Variants in SIPA1L1 observed in about 807,000 individuals in gnomAD.
SIPA1L1 encodes the protein signal-induced proliferation-associated 1-like protein 1.
In SIPA1L1, 26 loss-of-function variants were observed where a neutral mutation model predicts 162.7. The observed-to-expected ratio is 0.16, with a 90% CI of 0.12 to 0.22. The LOEUF (loss-of-function observed/expected upper bound fraction) is 0.22, where lower values mean the gene tolerates loss of function less well. Ranked by LOEUF, SIPA1L1 falls within the 10% of genes least tolerant of loss-of-function variation. The pLI, the probability that SIPA1L1 is intolerant of heterozygous loss-of-function variation, is 1.00. For synonymous variants in SIPA1L1, 829 were observed against 837.4 expected (o/e 0.99, Z 0.17); for missense variants, 1,874 against 2,241.0 (o/e 0.84, Z 3.31).
At chr14:71,349,209 A>T (rs1219618462) in intron 2 of SIPA1L1, among the ~76,000 whole-genome samples, 1 of 152,204 alleles carries the variant, frequency 6.6e-6, no homozygotes, top group Non-Finnish European at 1.5e-5. Flanking sequence ...AAAGGGAATG[A>T]TCTAATGGTA....
rs771735806 is a variant in SIPA1L1 at position 71,724,701 on chromosome 14, C to CACA, written c.4481_4483dup (p.His1494_Thr1495insAsn). The CACA allele has an allele frequency of 1.2e-6, 2 of 1,614,042 alleles. No homozygotes were observed. The highest frequency in any genetic ancestry group is 1.7e-6 in the Non-Finnish European group (2 of 1,180,002). ...TCAGAGCGATGGCAATGAAATAGCCCACACCAGGCTGCGTGCCTCAACCAG... is the reference window on the plus strand; with the variant it reads ...TCAGAGCGATGGCAATGAAATAGCCCACAACACCAGGCTGCGTGCCTCAACCAG... On this transcript the variant is annotated inframe_insertion, in exon 19 of 24. Transcript: ENST00000381232.
intron 17 of SIPA1L1, among the ~76,000 whole-genome samples, chr14:71,715,987 TCTA>T (rs2083241984): frequency 6.6e-6 from 1 of 152,238 alleles, no homozygotes; most frequent in Admixed American, 6.5e-5. Flanking sequence ...CCCTGAGGCT[TCTA>T]CTGCTGCATA....
intron 2 of SIPA1L1, among the ~76,000 whole-genome samples, chr14:71,458,152 T>C (rs2046324642): frequency 6.6e-6 from 1 of 152,218 alleles, no homozygotes; most frequent in African/African-American, 2.4e-5. Flanking sequence ...TTCTTTGTTT[T>C]CTTTTGCAAG....
At chr14:71,525,873 G>A (rs760292214) in intron 3 of SIPA1L1, among the ~76,000 whole-genome samples, 1 of 152,146 alleles carries the variant, frequency 6.6e-6, no homozygotes, top group Non-Finnish European at 1.5e-5. Context: ...ATGTTAAAAT[G>A]CAGGGACTTA....
chr14:71,352,656 T>G (rs888799073), intron 2 of SIPA1L1, among the ~76,000 whole-genome samples: 2 of 152,138 alleles, frequency 1.3e-5, no homozygotes, highest in African/African-American at 4.8e-5. Context: ...AGCTAATGAG[T>G]AGCCCTGCAG....
At chr14:71,400,641 A>C (rs912869937) in intron 2 of SIPA1L1, among the ~76,000 whole-genome samples, 14 of 151,212 alleles carry the variant, frequency 9.3e-5, no homozygotes, top group African/African-American at 3.2e-4. Context: ...ACATATATAC[A>C]TATATATGTT....
At chr14:71,452,383 A>G (rs1167833857) in intron 2 of SIPA1L1, among the ~76,000 whole-genome samples, 1 of 152,246 alleles carries the variant, frequency 6.6e-6, no homozygotes, top group Non-Finnish European at 1.5e-5. Context: ...TTTTTAGTGT[A>G]GTATTCTATA....
chr14:71,392,158 C>A (rs2040814212), intron 2 of SIPA1L1, among the ~76,000 whole-genome samples: 1 of 152,118 alleles, frequency 6.6e-6, no homozygotes, highest in African/African-American at 2.4e-5. Context: ...ATCCCAATAC[C>A]CATTATCTCC....
chr14:71,559,301 C>A (rs1044580046), intron 4 of SIPA1L1, among the ~76,000 whole-genome samples: 1 of 151,954 alleles, frequency 6.6e-6, no homozygotes, highest in African/African-American at 2.4e-5. Context: ...CTCCTGACCT[C>A]AGGTGATCTG....
chr14:71,597,584 GT>G (rs1195433639), intron 5 of SIPA1L1, among the ~76,000 whole-genome samples: 1 of 152,150 alleles, frequency 6.6e-6, no homozygotes, highest in Non-Finnish European at 1.5e-5. Flanking sequence ...ATAGGAAGGT[GT>G]CCCTGTGGAG....
intron 5 of SIPA1L1, among the ~76,000 whole-genome samples, chr14:71,602,126 C>G (rs1435662923): frequency 6.6e-6 from 1 of 151,824 alleles, no homozygotes; most frequent in Non-Finnish European, 1.5e-5. Context: ...TTTGTTCTTA[C>G]TCTTCTAGTT....
rs182859975 is a variant in SIPA1L1 at position 71,398,904 on chromosome 14, C to T, written c.-465+77723C>T. Reference sequence around the variant, plus strand: ...ATCTTTGGAGCTCCACAGCTTTTTGCTCAGAACCTTATACCCAATAGATGT... The same window carrying T: ...ATCTTTGGAGCTCCACAGCTTTTTGTTCAGAACCTTATACCCAATAGATGT... On this transcript the variant is annotated intron_variant, in intron 2 of 23. Coordinates refer to ENST00000381232, the MANE Select transcript of SIPA1L1 (RefSeq NM_001386936.1). Among the ~76,000 whole-genome samples the T allele has an allele frequency of 5.9e-5, 9 of 152,290 alleles. No individual in the cohort carries two copies. The East Asian group carries it at 9.6e-4, about 16-fold the overall frequency.
intron 2 of SIPA1L1, among the ~76,000 whole-genome samples, chr14:71,468,975 C>T (rs926381264): frequency 4.6e-5 from 7 of 152,266 alleles, no homozygotes; most frequent in African/African-American, 1.7e-4. Context: ...TCTTATTATA[C>T]CACACTAGAA....
chr14:71,490,157 C>T (rs2049123372), intron 2 of SIPA1L1, among the ~76,000 whole-genome samples: 1 of 151,992 alleles, frequency 6.6e-6, no homozygotes. Flanking sequence ...AAAATTTCAA[C>T]TAAAATTGAA....
chr14:71,329,614 A>G (rs964467829), intron 2 of SIPA1L1, among the ~76,000 whole-genome samples: 2 of 152,068 alleles, frequency 1.3e-5, no homozygotes, highest in Non-Finnish European at 2.9e-5. Context: ...AGCTAATTAA[A>G]AAAACAATTT....
intron 10 of SIPA1L1, among the ~76,000 whole-genome samples, chr14:71,662,409 A>G (rs891729649): frequency 2.6e-5 from 4 of 152,220 alleles, no homozygotes; most frequent in Non-Finnish European, 5.9e-5. Flanking sequence ...TATAAGCCCC[A>G]AACTATTCTA....
At chr14:71,511,829 G>A (rs573646915) in intron 2 of SIPA1L1, among the ~76,000 whole-genome samples, 24 of 152,272 alleles carry the variant, frequency 1.6e-4, no homozygotes, top group African/African-American at 4.6e-4. Flanking sequence ...AAGATGGGCC[G>A]GAGGTTTAGA....
At chr14:71,562,674 T>C (rs2056890774) in intron 4 of SIPA1L1, among the ~76,000 whole-genome samples, 1 of 152,232 alleles carries the variant, frequency 6.6e-6, no homozygotes, top group African/African-American at 2.4e-5. Context: ...TCCATGTGTA[T>C]GGAACATATA....
intron 2 of SIPA1L1, among the ~76,000 whole-genome samples, chr14:71,496,940 G>C (rs991436990): frequency 2.2e-4 from 33 of 152,260 alleles, no homozygotes; most frequent in Middle Eastern, 3.4e-3. Flanking sequence ...GGGAGGCCGA[G>C]GCAGGAGGAT....
Sources: gnomAD v4.1 joint callset for allele counts (sites outside exome capture counted in the v4.1 genomes callset) on GRCh38, gnomAD v4.1.1 for gene constraint, MANE v1.5 for transcripts, NCBI Gene and HGNC (gene_info 2026-07-23, HGNC 2026-07-21) for gene names.